The following STAT4 variants were observed in gnomAD, a reference collection of about 807,000 sequenced individuals.
STAT4 encodes the protein signal transducer and activator of transcription 4.
STAT4 carries 42 observed loss-of-function variants against 110.5 expected under a neutral mutation model. That is an observed-to-expected ratio of 0.38 (90% confidence interval 0.30 to 0.49). The LOEUF (loss-of-function observed/expected upper bound fraction) is 0.49, where lower values mean the gene tolerates loss of function less well. Among genes scored for constraint, STAT4 ranks in the 20% least tolerant of loss-of-function variants. STAT4 has a pLI of 0.95. For synonymous variants in STAT4, 284 were observed against 302.2 expected, an observed-to-expected ratio of 0.94 and a Z score of 0.63; for missense variants, 632 against 887.9, an observed-to-expected ratio of 0.71 and a Z score of 3.66.
rs527348281 is a variant in STAT4, at chr2:191,031,376, C to T, written c.2111+74G>A. 69 of 1,440,480 alleles carry T rather than the reference C, an allele frequency of 4.8e-5. No individual in the cohort carries two copies. The African/African-American group carries it at 8.9e-4, about 19-fold the overall frequency. 89.2% of individuals were successfully genotyped at this position (1,440,480 alleles called of 1,614,324 possible). A position where few individuals can be genotyped will look rare whatever the true frequency, so the allele number is the denominator to read the frequency against. The stretch of plus-strand genomic sequence containing the variant: ...AATGCTTTGTTCTCAGTTATGTGTA[C>T]TCTGCTCTACCTTTAAATCTCCTAT... On this transcript the variant is annotated intron_variant, in intron 22 of 23. Transcript: ENST00000392320. The surrounding 1 kb of genome is among the most constrained non-coding windows in gnomAD (Gnocchi z 4.8).
chr2:191,111,768 G>C (rs1275488432), intron 3 of STAT4, among the ~76,000 whole-genome samples: 3 of 152,210 alleles, frequency 2.0e-5, no homozygotes, highest in Non-Finnish European at 1.5e-5. Context: ...GGCTGAGTGG[G>C]AGGAGTGCTT....
At chr2:191,115,787 G>A (rs538768786) in intron 3 of STAT4, among the ~76,000 whole-genome samples, 1 of 152,300 alleles carries the variant, frequency 6.6e-6, no homozygotes, top group East Asian at 1.9e-4. Flanking sequence ...TCAATGCATA[G>A]ACAGTGAAGA....
intron 3 of STAT4, among the ~76,000 whole-genome samples, chr2:191,121,060 C>G (rs1191683053): frequency 1.3e-5 from 2 of 151,946 alleles, no homozygotes; most frequent in Admixed American, 1.3e-4. Context: ...ACAAAGAACT[C>G]AAACAAACTT....
intron 3 of STAT4, among the ~76,000 whole-genome samples, chr2:191,129,856 C>A (rs1005294015): frequency 1.3e-5 from 2 of 152,156 alleles, no homozygotes; most frequent in Non-Finnish European, 2.9e-5. Context: ...TGGGTGCACT[C>A]TTACCAAAAA....
chr2:191,036,357 G>T (rs1574695957), intron 16 of STAT4, 58 bp from the exon 17 acceptor site: 2 of 1,580,190 alleles, frequency 1.3e-6, no homozygotes, highest in Middle Eastern at 1.7e-4. Flanking sequence ...AGCTAGTGAG[G>T]TGTGAGCAGG....
At position 191,061,515 on chromosome 2, in the gene STAT4, C is replaced by T. The variant is rs1238396205; in HGVS notation, c.1034+214G>A. On this transcript the variant is annotated intron_variant, in intron 10 of 23. Transcript: ENST00000392320. This position sits in a 1 kb window ranked among gnomAD's most constrained non-coding sequence, Gnocchi z 6.2. ...GATTCCATACTTTCAGGCTAATATC[C>T]CTTATGTCCTCATCTGCACTGTCAT... Among the ~76,000 whole-genome samples the T allele has an allele frequency of 2.0e-5, 3 of 152,160 alleles. No homozygotes were observed. The highest frequency in any genetic ancestry group is 7.2e-5 in the African/African-American group (3 of 41,420).
At chr2:191,097,400 T>C (rs1698022113) in intron 3 of STAT4, among the ~76,000 whole-genome samples, 1 of 152,150 alleles carries the variant, frequency 6.6e-6, no homozygotes, top group Non-Finnish European at 1.5e-5. Flanking sequence ...CAAAACAGCA[T>C]GGTACTGGTA....
At chr2:191,125,486 T>TTAG (rs1698855922) in intron 3 of STAT4, among the ~76,000 whole-genome samples, 1 of 147,550 alleles carries the variant, frequency 6.8e-6, no homozygotes, top group Non-Finnish European at 1.5e-5. Flanking sequence ...TTTATTATTA[T>TTAG]TATTATTATT....
At position 191,122,210 on chromosome 2, in the gene STAT4, A is replaced by T. The variant is rs185011930; in HGVS notation, c.273+24403T>A. Among the ~76,000 whole-genome samples, 601 of 152,278 alleles carry T rather than the reference A, an allele frequency of 3.9e-3. 2 individuals carry two copies. Among genetic ancestry groups the T allele is most frequent in the South Asian group, 5.8e-3 (28 of 4,820 alleles). On this transcript the variant is annotated intron_variant, in intron 3 of 23. Transcript: ENST00000392320. ...TGTACCTACAAAAATTTAAAAAAATAAAGAGGATATCAAAATGGCCATCAA... is the reference window on the plus strand; with the variant it reads ...TGTACCTACAAAAATTTAAAAAAATTAAGAGGATATCAAAATGGCCATCAA...
chr2:191,048,703 T>C (rs973757852), intron 14 of STAT4, among the ~76,000 whole-genome samples: 1 of 142,412 alleles, frequency 7.0e-6, no homozygotes, highest in African/African-American at 2.6e-5. Flanking sequence ...GGAGAATTGC[T>C]TGAACCCTGG....
chr2:191,106,839 G>C (rs16833260), intron 3 of STAT4, among the ~76,000 whole-genome samples: 101,904 of 151,932 alleles, frequency 0.67, 34,429 homozygotes, highest in African/African-American at 0.7. Flanking sequence ...TTAGAATTAG[G>C]GCAGATCCTG....
At chr2:191,049,402 TC>T (rs1696456344) in intron 14 of STAT4, among the ~76,000 whole-genome samples, 1 of 152,080 alleles carries the variant, frequency 6.6e-6, no homozygotes, top group Admixed American at 6.6e-5. Flanking sequence ...GGTCTCACTC[TC>T]CTGACCTCGT....
chr2:191,146,838 A>G lies in STAT4; in HGVS notation c.129-81T>C. ...TTTTTACCATACTAACTTTAAAACA[A>G]TAAACCTATTACATGGTGATAAGCA... On this transcript the variant is annotated intron_variant, in intron 2 of 23. Coordinates refer to ENST00000392320, the MANE Select transcript of STAT4 (RefSeq NM_003151.4). This position sits in a 1 kb window ranked among gnomAD's most constrained non-coding sequence, Gnocchi z 4.5. 7.5e-7 allele frequency: 1 copy of G among 1,335,112 alleles called. No individual in the cohort carries two copies. The highest frequency in any genetic ancestry group is 1.5e-5 in the African/African-American group (1 of 66,550). The allele number at this position is 1,335,112 out of a possible 1,614,324, so 82.7% of individuals were successfully genotyped here. A position where few individuals can be genotyped will look rare whatever the true frequency, so the allele number is the denominator to read the frequency against.
chr2:191,063,611 C>A (rs1398638929), intron 8 of STAT4, among the ~76,000 whole-genome samples: 1 of 152,168 alleles, frequency 6.6e-6, no homozygotes, highest in Non-Finnish European at 1.5e-5. Flanking sequence ...TCTTATCAGA[C>A]TTGGAAAGTC....
chr2:191,068,996 G>A lies in STAT4; in HGVS notation c.544+697C>T, dbSNP rs570520107. ...AGTGACCTTACATTTTGACATTTAT[G>A]CAATTACTGAAATTATGTTTTTGGA... On this transcript the variant is annotated intron_variant, in intron 6 of 23. Transcript: ENST00000392320. 4.1e-4 allele frequency among the ~76,000 whole-genome samples: 62 copies of A among 152,084 alleles called. 1 individual carries two copies. In the South Asian group the frequency reaches 0.012, roughly 31 times the overall value.
At chr2:191,079,235 T>TCACACACACACACACG (rs147894714) in intron 3 of STAT4, among the ~76,000 whole-genome samples, 55 of 151,196 alleles carry the variant, frequency 3.6e-4, no homozygotes, top group African/African-American at 1.2e-3. Context: ...ACTTGTCAAG[T>TCACACACACACACACG]CACGCACACA....
At chr2:191,114,003 C>T (rs1698498475) in intron 3 of STAT4, among the ~76,000 whole-genome samples, 1 of 152,120 alleles carries the variant, frequency 6.6e-6, no homozygotes, top group Admixed American at 6.5e-5. Flanking sequence ...CTGAAGAAAA[C>T]TGTGGTCTGA....
At chr2:191,076,193 G>A in intron 4 of STAT4, 34 bp downstream of exon 4, 6 of 1,555,510 alleles carry the variant, frequency 3.9e-6, no homozygotes, top group Non-Finnish European at 5.3e-6. Flanking sequence ...TGAGTTCAAG[G>A]TGATAACAAG....
chr2:191,051,325 T>C lies in STAT4; in HGVS notation c.1251+3165A>G, dbSNP rs1696516749. Among the ~76,000 whole-genome samples the C allele has an allele frequency of 6.7e-6, 1 of 149,572 alleles. No individual in the cohort carries two copies. On this transcript the variant is annotated intron_variant, in intron 14 of 23. Coordinates refer to ENST00000392320, the MANE Select transcript of STAT4 (RefSeq NM_003151.4). This position sits in a 1 kb window ranked among gnomAD's most constrained non-coding sequence, Gnocchi z 5.6. ...ACCTGCTCCCTCGAGAGGAGGCTGA[T>C]CTGTAAATGCCATCACCAACATCTA...
Sources: gnomAD v4.1 joint callset for allele counts (sites outside exome capture counted in the v4.1 genomes callset) on GRCh38, gnomAD v4.1.1 for gene constraint, Gnocchi (gnomAD v3.1) non-coding constraint, MANE v1.5 for transcripts, NCBI Gene and HGNC (gene_info 2026-07-23, HGNC 2026-07-21) for gene names.